FMNL2: variants seen among roughly 807,000 people sequenced by gnomAD.
The protein encoded by FMNL2 is formin like 2.
In FMNL2, 51 loss-of-function variants were observed where a neutral mutation model predicts 130.2. That is an observed-to-expected ratio of 0.39 (90% CI 0.31 to 0.49). The LOEUF (loss-of-function observed/expected upper bound fraction) is 0.49. FMNL2 is among the 20% of genes least tolerant of loss of function. The probability of loss-of-function intolerance (pLI) is 0.85; values close to 1 mark genes in which losing one functional copy is unlikely to be tolerated. For synonymous variants in FMNL2, 465 were observed against 467.1 expected, an observed-to-expected ratio of 1.00 and a Z score of 0.06; for missense variants, 977 against 1,316.2, an observed-to-expected ratio of 0.74 and a Z score of 3.99.
intron 1 of FMNL2, among the ~76,000 whole-genome samples, chr2:152,423,574 G>A (rs1197265915): frequency 6.6e-6 from 1 of 152,142 alleles, no homozygotes; most frequent in East Asian, 1.9e-4. Flanking sequence ...AGATGCCTTA[G>A]TACAGAATAA....
At chr2:152,343,471 C>T (rs1341337178) in intron 1 of FMNL2, among the ~76,000 whole-genome samples, 1 of 152,040 alleles carries the variant, frequency 6.6e-6, no homozygotes. Flanking sequence ...AGTTTTTGTA[C>T]TTTTAGTAGA....
chr2:152,571,966 G>A (rs999220807), intron 6 of FMNL2, among the ~76,000 whole-genome samples: 1 of 151,816 alleles, frequency 6.6e-6, no homozygotes, highest in African/African-American at 2.4e-5. Flanking sequence ...TAATCAATTA[G>A]CCTCATCTTT....
At chr2:152,503,473 G>C (rs79422831) in intron 1 of FMNL2, among the ~76,000 whole-genome samples, 31 of 152,240 alleles carry the variant, frequency 2.0e-4, no homozygotes, top group African/African-American at 7.5e-4. Context: ...GGGGAATTCT[G>C]GATAAACTGA....
chr2:152,561,162 C>CA, intron 6 of FMNL2, 127 bp downstream of exon 6: 1 of 966,334 alleles, frequency 1.0e-6, no homozygotes, highest in Non-Finnish European at 1.5e-6. Context: ...TGCAATGACT[C>CA]TAAATGAATG....
At position 152,575,163 on chromosome 2, in the gene FMNL2, T is replaced by C; in HGVS notation, c.624T>C (p.Thr208=). ...LRYNTLPSRR[T]LKNSRLVSKK... ...ATAATACATTGCCAAGCAGAAGAACTCTGAAAAATTCAAGATTAGTGAGTA... is the reference window on the plus strand; with the variant it reads ...ATAATACATTGCCAAGCAGAAGAACCCTGAAAAATTCAAGATTAGTGAGTA... The change falls in exon 7 of 26, where the codon ACT becomes ACC. Residue 208 remains threonine (T), a synonymous_variant. Transcript: ENST00000288670. The C allele has an allele frequency of 6.2e-7, 1 of 1,605,750 alleles. No individual in the cohort carries two copies. Among genetic ancestry groups the C allele is most frequent in the Non-Finnish European group, 8.5e-7 (1 of 1,175,466 alleles).
intron 1 of FMNL2, among the ~76,000 whole-genome samples, 170 bp from the exon 2 acceptor site, chr2:152,521,773 A>T (rs2105401882): frequency 6.6e-6 from 1 of 152,208 alleles, no homozygotes; most frequent in Non-Finnish European, 1.5e-5. Context: ...CATCTAACCG[A>T]TTTGATGTTT....
chr2:152,621,094 C>T (rs1057227903), intron 15 of FMNL2: 3 of 985,420 alleles, frequency 3.0e-6, no homozygotes, highest in Non-Finnish European at 3.6e-6. Context: ...AGGCTGTTGT[C>T]AGTAACTGGG....
In FMNL2 at chr2:152,517,610, G is replaced by C. The variant is rs189728493; in HGVS notation, c.118-4333G>C. On this transcript the variant is annotated intron_variant, in intron 1 of 25. Coordinates refer to ENST00000288670, the MANE Select transcript of FMNL2 (RefSeq NM_052905.4). Reference sequence around the variant, plus strand: ...AATGACATTTGAATTGATTCTTACAGTTTGCCAGGTTGAGAGTGGAAAGAA... The same window carrying C: ...AATGACATTTGAATTGATTCTTACACTTTGCCAGGTTGAGAGTGGAAAGAA... Among the ~76,000 whole-genome samples the C allele has an allele frequency of 4.6e-5, 7 of 152,282 alleles. 1 individual carries two copies. In the East Asian group the frequency reaches 1.3e-3, roughly 29 times the overall value.
intron 21 of FMNL2, among the ~76,000 whole-genome samples, chr2:152,632,380 C>T (rs1177738924): frequency 1.3e-5 from 2 of 152,190 alleles, no homozygotes; most frequent in African/African-American, 2.4e-5. Flanking sequence ...CGTCATGTCC[C>T]TTCCCTCTTT....
intron 9 of FMNL2, among the ~76,000 whole-genome samples, chr2:152,583,262 C>T (rs1256634729): frequency 1.3e-5 from 2 of 152,186 alleles, no homozygotes; most frequent in Non-Finnish European, 2.9e-5. Flanking sequence ...CTGTCCTTGG[C>T]ATAGGCATTT....
At chr2:152,624,061 CTCCCCTCCCCTCCACTCAATTCCCTTCG>C (rs1681578104) in intron 15 of FMNL2, among the ~76,000 whole-genome samples, 1 of 2,792 alleles carries the variant, frequency 3.6e-4, no homozygotes, top group Non-Finnish European at 8.2e-4. Flanking sequence ...CTCCCCTCCC[CTCCCCTCCCCTCCACTCAATTCCCTTCG>C]CCTCCCCTCC....
intron 15 of FMNL2, chr2:152,622,423 A>G (rs1315017604): frequency 4.4e-6 from 2 of 452,766 alleles, no homozygotes; most frequent in Non-Finnish European, 8.9e-6. Flanking sequence ...GCCTTGTGAA[A>G]TGTGTCCAAG....
In FMNL2 at chr2:152,384,002, AAAATCTC is replaced by A. The variant is rs1684645868; in HGVS notation, c.117+48284_117+48290del. 1.3e-5 allele frequency among the ~76,000 whole-genome samples: 2 copies of A among 152,216 alleles called. 1 individual carries two copies. Among genetic ancestry groups the A allele is most frequent in the South Asian group, 4.1e-4 (2 of 4,834 alleles). ...TGTACTGTAGGAACTATGTCTAGTA[AAAATCTC>A]ACTCTTGGCTTATATGCATTTGGAA... On this transcript the variant is annotated intron_variant, in intron 1 of 25. Transcript: ENST00000288670.
chr2:152,338,485 C>T (rs1484377229), intron 1 of FMNL2, among the ~76,000 whole-genome samples: 1 of 152,084 alleles, frequency 6.6e-6, no homozygotes, highest in Non-Finnish European at 1.5e-5. Context: ...AATGACTATA[C>T]CCTCCCTCCC....
chr2:152,456,218 A>G (rs1233400643), intron 1 of FMNL2, among the ~76,000 whole-genome samples: 1 of 152,236 alleles, frequency 6.6e-6, no homozygotes, highest in Non-Finnish European at 1.5e-5. Context: ...CTTTCCAACT[A>G]TCCTCTCACT....
chr2:152,565,430 T>G (rs1695783175), intron 6 of FMNL2, among the ~76,000 whole-genome samples: 1 of 152,134 alleles, frequency 6.6e-6, no homozygotes, highest in Non-Finnish European at 1.5e-5. Flanking sequence ...GAACCTGTCC[T>G]TTCAGGAACA....
intron 4 of FMNL2, among the ~76,000 whole-genome samples, chr2:152,555,438 T>G (rs1312733764): frequency 1.3e-5 from 2 of 152,198 alleles, no homozygotes; most frequent in Non-Finnish European, 2.9e-5. Context: ...TCCTTTCTGT[T>G]GTGCAACTTT....
intron 10 of FMNL2, among the ~76,000 whole-genome samples, chr2:152,610,555 A>G (rs1414035201): frequency 1.3e-5 from 2 of 152,232 alleles, no homozygotes; most frequent in Non-Finnish European, 2.9e-5. Context: ...ATCACACAAC[A>G]TGTGGTCTTC....
intron 21 of FMNL2, among the ~76,000 whole-genome samples, chr2:152,635,388 T>C (rs962566029): frequency 3.3e-5 from 5 of 152,222 alleles, no homozygotes; most frequent in Non-Finnish European, 7.3e-5. Flanking sequence ...CGAGTTGTCT[T>C]CACTGCTTTA....
Sources: gnomAD v4.1 joint callset for allele counts (sites outside exome capture counted in the v4.1 genomes callset) on GRCh38, gnomAD v4.1.1 for gene constraint, MANE v1.5 for transcripts, NCBI Gene and HGNC (gene_info 2026-07-23, HGNC 2026-07-21) for gene names.